Variants in ADGRE1 observed in about 807,000 individuals in gnomAD.
ADGRE1 encodes EGF-like module receptor 1.
In ADGRE1, 82 loss-of-function variants were observed where a neutral mutation model predicts 102.7. The ratio of observed to expected loss-of-function variants is 0.80; its 90% CI spans 0.67 to 0.96. The LOEUF (loss-of-function observed/expected upper bound fraction) is 0.96. Ranked by LOEUF, ADGRE1 falls within the 40% of genes least tolerant of loss-of-function variation. ADGRE1 has a pLI of 0.00. For missense variants in ADGRE1, 1,032 were observed against 1,085.3 expected, an observed-to-expected ratio of 0.95 and a Z score of 0.69; for synonymous variants, 398 against 399.6, an observed-to-expected ratio of 1.00 and a Z score of 0.05.
At chr19:6,893,916 C>G (rs1281282149) in intron 2 of ADGRE1, among the ~76,000 whole-genome samples, 2 of 152,190 alleles carry the variant, frequency 1.3e-5, no homozygotes, top group African/African-American at 2.4e-5. Flanking sequence ...TTACTTTTTC[C>G]TGTATCTAGG....
chr19:6,892,433 A>G (rs1973414517), intron 2 of ADGRE1, among the ~76,000 whole-genome samples: 1 of 151,978 alleles, frequency 6.6e-6, no homozygotes, highest in African/African-American at 2.4e-5. Context: ...AAATTTTGTT[A>G]GTGTTGCTTT....
intron 17 of ADGRE1, among the ~76,000 whole-genome samples, chr19:6,929,417 C>A (rs1208278351): frequency 7.9e-5 from 12 of 152,080 alleles, no homozygotes; most frequent in African/African-American, 2.4e-4. Context: ...GGCCACCCAC[C>A]CTGATCTTTT....
At chr19:6,887,851 C>T (rs957919837) in intron 1 of ADGRE1, among the ~76,000 whole-genome samples, 1 of 152,158 alleles carries the variant, frequency 6.6e-6, no homozygotes, top group African/African-American at 2.4e-5. Flanking sequence ...ATTCATTTGA[C>T]CTGAGCAAGT....
chr19:6,937,822 GAC>G (rs1975489821), intron 20 of ADGRE1, among the ~76,000 whole-genome samples, 174 bp downstream of exon 20: 1 of 151,866 alleles, frequency 6.6e-6, no homozygotes, highest in Non-Finnish European at 1.5e-5. Context: ...TATATTAGCA[GAC>G]ACACACACAT....
chr19:6,898,867 C>T (rs1312550857), intron 5 of ADGRE1, among the ~76,000 whole-genome samples: 6 of 152,070 alleles, frequency 3.9e-5, no homozygotes, highest in Non-Finnish European at 7.4e-5. Flanking sequence ...GGTGTCTTTA[C>T]ATGTTAGGTA....
rs1268054209 is a variant in ADGRE1, at chr19:6,937,410, A to T, written c.2549A>T (p.Gln850Leu). 8.7e-6 allele frequency: 14 copies of T among 1,612,940 alleles called. No homozygotes were observed. Among genetic ancestry groups the T allele is most frequent in the Admixed American group, 1.7e-5 (1 of 59,954 alleles). The change falls in exon 19 of 21, where the codon CAG becomes CTG. Residue 850 changes from glutamine (Q) to leucine (L), a missense_variant and splice_region_variant. Physicochemically the swap from Gln to Leu is moderately radical, Grantham distance 113 (BLOSUM62 -2). Transcript: ENST00000312053. ...CTCATCCACTGTCTGCTCAACGGCC[A>T]GGTGTGTAGCTGCTGCCCTCCCCAT... ...IFLIHCLLNG[Q>L]VREEYKRWIT...
intron 2 of ADGRE1, chr19:6,894,847 T>A (rs1300294459): frequency 6.6e-6 from 1 of 152,112 alleles, no homozygotes; most frequent in Non-Finnish European, 1.5e-5. Context: ...CAAATTATAT[T>A]TGGGAAGGGG....
chr19:6,926,089 T>A (rs1260103643), intron 15 of ADGRE1, among the ~76,000 whole-genome samples: 1 of 152,164 alleles, frequency 6.6e-6, no homozygotes, highest in Non-Finnish European at 1.5e-5. Context: ...AGTAGGGTGA[T>A]CGACAATCAG....
chr19:6,923,789 C>T (rs1974771955), intron 14 of ADGRE1, among the ~76,000 whole-genome samples: 1 of 151,814 alleles, frequency 6.6e-6, no homozygotes, highest in East Asian at 2.0e-4. Context: ...CCACCCGCCC[C>T]AGCCTCCCAT....
intron 10 of ADGRE1, among the ~76,000 whole-genome samples, chr19:6,911,394 T>TTTTTTTG (rs1053238060): frequency 6.9e-6 from 1 of 144,804 alleles, no homozygotes; most frequent in African/African-American, 2.5e-5. Flanking sequence ...AGTTTTTTTT[T>TTTTTTTG]TTTTTTTTTT....
At chr19:6,929,537 T>A (rs1043989638) in intron 17 of ADGRE1, among the ~76,000 whole-genome samples, 2 of 152,196 alleles carry the variant, frequency 1.3e-5, no homozygotes, top group African/African-American at 4.8e-5. Context: ...TTTTTCTTTT[T>A]TTTTAGACGG....
In ADGRE1 at chr19:6,928,638, A is replaced by AT. The variant is rs1185759586; in HGVS notation, c.2289+427_2289+428insT. The AT allele has an allele frequency of 6.8e-4, 118 of 172,708 alleles. 1 individual carries two copies. The highest frequency in any genetic ancestry group is 2.6e-3 in the African/African-American group (110 of 41,642). 10.7% of individuals were successfully genotyped at this position (172,708 alleles called of 1,614,324 possible). On this transcript the variant is annotated intron_variant, in intron 17 of 20. Transcript: ENST00000312053. Reference sequence around the variant, plus strand: ...AGTGAAACTCCGTCTCAAAAAAAAAAAAATAAATAAATAAGTTATCGGCCA... The same window carrying AT: ...AGTGAAACTCCGTCTCAAAAAAAAAATAAATAAATAAATAAGTTATCGGCCA...
At chr19:6,932,726 G>T (rs1193208414) in intron 17 of ADGRE1, among the ~76,000 whole-genome samples, 1 of 151,980 alleles carries the variant, frequency 6.6e-6, no homozygotes, top group Non-Finnish European at 1.5e-5. Context: ...TCCCTTTCTG[G>T]CTTTTTCCTG....
In ADGRE1 at chr19:6,901,882, T is replaced by A. The variant is rs764582668; in HGVS notation, c.522T>A (p.Asp174Glu). 6.2e-7 allele frequency: 1 copy of A among 1,614,190 alleles called. No homozygotes were observed. The highest frequency in any genetic ancestry group is 8.5e-7 in the Non-Finnish European group (1 of 1,180,012). The change falls in exon 6 of 21, where the codon GAT becomes GAA. Residue 174 changes from aspartate (D) to glutamate (E), a missense_variant. By Grantham distance (45) the Asp-to-Glu change is conservative. Transcript: ENST00000312053. ...ISRNSTCEDV[D>E]ECADPRACPE... ...TTCTCTTCCACTCTTCAGACGTGGA[T>A]GAATGTGCAGATCCAAGAGCTTGCC...
chr19:6,924,696 A>C lies in ADGRE1; in HGVS notation c.1810A>C (p.Ile604Leu), dbSNP rs905625840. 6.2e-7 allele frequency: 1 copy of C among 1,614,028 alleles called. No individual in the cohort carries two copies. Among genetic ancestry groups the C allele is most frequent in the Non-Finnish European group, 8.5e-7 (1 of 1,179,948 alleles). ...GELTMDFSLY[I>L]ISHVGIIISL... Reference sequence around the variant, plus strand: ...CTGACAGATGGACTTTTCCTTGTACATCATTAGCCATGTAGGCATTATCAT... The same window carrying C: ...CTGACAGATGGACTTTTCCTTGTACCTCATTAGCCATGTAGGCATTATCAT... Residue 604 changes from isoleucine to leucine, a missense_variant, in exon 15 of 21, where the codon ATC becomes CTC. Transcript: ENST00000312053.
intron 10 of ADGRE1, among the ~76,000 whole-genome samples, chr19:6,910,474 A>C (rs1001376457): frequency 6.6e-6 from 1 of 152,056 alleles, no homozygotes; most frequent in African/African-American, 2.4e-5. Flanking sequence ...CGTTCTCTTA[A>C]ATTGTTCATA....
chr19:6,925,002 G>C (rs10424159), intron 15 of ADGRE1, 130 bp downstream of exon 15: 1 of 872,198 alleles, frequency 1.1e-6, no homozygotes, highest in South Asian at 1.7e-5. Flanking sequence ...CCCTCTGCCT[G>C]TAACACTCAC....
Position 6,919,672 on chromosome 19 carries a change from CG to C in ADGRE1, c.1546del (p.Val516LeufsTer4). ...TCAAGCTGAAGATGAATTCTCGAGT[CG>C]TTGGGGGCATAATGACTGGAGAGAA... ...EIKLKMNSRV[V>X]GGIMTGEKKD... On this transcript the variant is annotated frameshift_variant, in exon 13 of 21. Transcript: ENST00000312053. LOFTEE classifies it high-confidence loss of function. 1 of 1,613,372 alleles carries C rather than the reference CG, an allele frequency of 6.2e-7. No individual in the cohort carries two copies. The highest frequency in any genetic ancestry group is 8.5e-7 in the Non-Finnish European group (1 of 1,179,894).
chr19:6,933,300 C>T (rs1044735780), intron 17 of ADGRE1, among the ~76,000 whole-genome samples: 3 of 152,058 alleles, frequency 2.0e-5, no homozygotes, highest in Non-Finnish European at 2.9e-5. Flanking sequence ...AAGTTCTACT[C>T]ATCTGGAAAA....
Sources: gnomAD v4.1 joint callset for allele counts (sites outside exome capture counted in the v4.1 genomes callset) on GRCh38, gnomAD v4.1.1 for gene constraint, MANE v1.5 for transcripts, NCBI Gene and HGNC (gene_info 2026-07-23, HGNC 2026-07-21) for gene names.